The following SMAD9 variants were observed in gnomAD, a reference collection of about 807,000 sequenced individuals.
The protein encoded by SMAD9 is SMAD family member 9.
A neutral mutation model predicts 46.1 loss-of-function variants in SMAD9; 36 were observed. The observed-to-expected ratio is 0.78, with a 90% CI of 0.60 to 1.03. The LOEUF (loss-of-function observed/expected upper bound fraction) is 1.03, where lower values mean the gene tolerates loss of function less well. SMAD9 is among the 50% of genes least tolerant of loss of function. The pLI, the probability that SMAD9 is intolerant of heterozygous loss-of-function variation, is 0.00. For missense variants in SMAD9, 572 were observed against 599.8 expected (o/e 0.95, Z 0.48); for synonymous variants, 245 against 237.1 (o/e 1.03, Z -0.31).
rs774335034 is a variant in SMAD9 at position 36,848,759 on chromosome 13, G to A, written c.1321C>T (p.His441Tyr). Residue 441 changes from histidine (H) to tyrosine (Y), a missense_variant, in exon 7 of 7, where the codon CAT (histidine) becomes TAT (tyrosine). Physicochemically the swap from His to Tyr is moderately conservative, Grantham distance 83 (BLOSUM62 2). Coordinates refer to ENST00000379826, the MANE Select transcript of SMAD9 (RefSeq NM_001127217.3). ...AGCCACTGCAGTGGCCCATGAAGAT[G>A]AATCTCAATCCAGCAGGGGGTGCTG... ...VTSTPCWIEIHLHGPLQWLDK... is the reference protein window; with the variant it reads ...VTSTPCWIEIYLHGPLQWLDK... The A allele has an allele frequency of 6.2e-6, 10 of 1,613,924 alleles. No individual in the cohort carries two copies. The highest frequency in any genetic ancestry group is 3.3e-5 in the Admixed American group (2 of 60,014).
Position 36,872,732 on chromosome 13 carries a change from T to C in SMAD9, c.596A>G (p.Gln199Arg), listed in dbSNP as rs1329406675. The C allele has an allele frequency of 1.9e-6, 3 of 1,613,810 alleles. No individual in the cohort carries two copies. The highest frequency in any genetic ancestry group is 1.7e-5 in the Admixed American group (1 of 59,976). Residue 199 changes from glutamine to arginine, a missense_variant, in exon 3 of 7, where the codon CAG becomes CGG. Physicochemically the swap from Gln to Arg is conservative, Grantham distance 43 (BLOSUM62 1). Transcript: ENST00000379826. The stretch of plus-strand genomic sequence containing the variant: ...AGGGTAGCTGGCCGTGCACGGGGAC[T>C]GGGAGAACGCGTGGCTGGGTGAGGG... Reference protein sequence around the residue: ...LPPSPSHAFSQSPCTASYPHS... With the variant: ...LPPSPSHAFSRSPCTASYPHS...
At chr13:36,856,378 T>G (rs2058125011) in intron 5 of SMAD9, among the ~76,000 whole-genome samples, 1 of 152,228 alleles carries the variant, frequency 6.6e-6, no homozygotes, top group Non-Finnish European at 1.5e-5. Flanking sequence ...GGGTTGGTTT[T>G]CAATCCTGTT....
At chr13:36,906,425 A>G (rs1450177180) in intron 1 of SMAD9, among the ~76,000 whole-genome samples, 1 of 152,196 alleles carries the variant, frequency 6.6e-6, no homozygotes, top group East Asian at 1.9e-4. Flanking sequence ...ACTAAAAACC[A>G]TATTCTATGC....
intron 1 of SMAD9, among the ~76,000 whole-genome samples, chr13:36,905,953 G>A (rs1034894313): frequency 2.4e-4 from 37 of 152,000 alleles, no homozygotes; most frequent in African/African-American, 8.0e-4. Context: ...TTACAAGTAT[G>A]AGCCACTGCG....
At position 36,857,440 on chromosome 13, in the gene SMAD9, GTCTT is replaced by G. The variant is rs147608039; in HGVS notation, c.1004-3769_1004-3766del. Among the ~76,000 whole-genome samples, 489 of 152,198 alleles carry G rather than the reference GTCTT, an allele frequency of 3.2e-3. 1 individual carries two copies. The highest frequency in any genetic ancestry group is 0.011 in the African/African-American group (439 of 41,512). On this transcript the variant is annotated intron_variant, in intron 5 of 6. Coordinates refer to ENST00000379826, the MANE Select transcript of SMAD9 (RefSeq NM_001127217.3). The stretch of plus-strand genomic sequence containing the variant: ...TGGGCTCTGTATCTGCTTGGGCTGT[GTCTT>G]TCTTTATCTGAACTTTCCATTTGTG...
Position 36,848,602 on chromosome 13 carries a change from G to A in SMAD9, c.*74C>T. 1 of 1,393,916 alleles carries A rather than the reference G, an allele frequency of 7.2e-7. No individual in the cohort carries two copies. The highest frequency in any genetic ancestry group is 1.0e-6 in the Non-Finnish European group (1 of 979,782). The allele number at this position is 1,393,916 out of a possible 1,614,324, so 86.3% of individuals were successfully genotyped here. On this transcript the variant is annotated 3_prime_UTR_variant, in exon 7 of 7. Transcript: ENST00000379826. ...ACACATGTTTTTAGAAACTTCAGTT[G>A]CAAATCTGAAATGATACAAGCCACT...
chr13:36,883,164 C>A (rs556491451), intron 1 of SMAD9, among the ~76,000 whole-genome samples: 52 of 152,218 alleles, frequency 3.4e-4, no homozygotes, highest in Middle Eastern at 3.4e-3. Flanking sequence ...TGTCAGAGAA[C>A]TGAAATGCCC....
At chr13:36,880,963 C>G (rs1245613147) in intron 1 of SMAD9, among the ~76,000 whole-genome samples, 1 of 151,744 alleles carries the variant, frequency 6.6e-6, no homozygotes, top group African/African-American at 2.4e-5. Context: ...CTTTGGAGTT[C>G]TCAATAATTT....
chr13:36,845,810 G>T lies in SMAD9; in HGVS notation c.*2866C>A, dbSNP rs1011533376. 6.6e-6 allele frequency: 1 copy of T among 152,138 alleles called. No individual in the cohort carries two copies. Among genetic ancestry groups the T allele is most frequent in the African/African-American group, 2.4e-5 (1 of 41,428 alleles). The allele number at this position is 152,138 out of a possible 1,614,324, so 9.4% of individuals were successfully genotyped here. The stretch of plus-strand genomic sequence containing the variant: ...TCATTAATTCTAAATTCTTCAAAAT[G>T]TACAAGCATCATAATAAAGGCTTTT... On this transcript the variant is annotated 3_prime_UTR_variant, in exon 7 of 7. Coordinates refer to ENST00000379826, the MANE Select transcript of SMAD9 (RefSeq NM_001127217.3).
At chr13:36,917,143 G>T in intron 1 of SMAD9, among the ~76,000 whole-genome samples, 1 of 152,202 alleles carries the variant, frequency 6.6e-6, no homozygotes, top group Middle Eastern at 3.4e-3. Flanking sequence ...CAAGCAAGAA[G>T]AACATCCAGT....
chr13:36,917,316 G>T (rs561922676), intron 1 of SMAD9, among the ~76,000 whole-genome samples: 11 of 151,992 alleles, frequency 7.2e-5, no homozygotes, highest in African/African-American at 2.7e-4. Context: ...TCCTTACTTA[G>T]GACATGGACA....
At chr13:36,855,403 G>GAA (rs1655506192) in intron 5 of SMAD9, among the ~76,000 whole-genome samples, 1 of 151,804 alleles carries the variant, frequency 6.6e-6, no homozygotes, top group Admixed American at 6.6e-5. Context: ...ACTGATGTTA[G>GAA]AAAAAAATGA....
Position 36,882,244 on chromosome 13 carries a change from T to A in SMAD9, c.-186-2369A>T, listed in dbSNP as rs552568629. On this transcript the variant is annotated intron_variant, in intron 1 of 6. Coordinates refer to ENST00000379826, the MANE Select transcript of SMAD9 (RefSeq NM_001127217.3). ...GGTATGTGCTGTGTGTGTGTGTGTGTGTGTGTGTGTGTGTGTATGTGTGTG... is the reference window on the plus strand; with the variant it reads ...GGTATGTGCTGTGTGTGTGTGTGTGAGTGTGTGTGTGTGTGTATGTGTGTG... Among the ~76,000 whole-genome samples the A allele has an allele frequency of 1.6e-4, 23 of 143,688 alleles. No homozygotes were observed. In the South Asian group the frequency reaches 4.6e-3, roughly 29 times the overall value. The allele number at this position is 143,688 out of a possible 152,430, so 94.3% of individuals were successfully genotyped here.
intron 5 of SMAD9, among the ~76,000 whole-genome samples, chr13:36,862,456 CCATGA>C (rs2058191709): frequency 6.8e-6 from 1 of 147,474 alleles, no homozygotes; most frequent in Admixed American, 6.9e-5. Flanking sequence ...CCCACTAGCA[CCATGA>C]CAGTTTACAG....
At position 36,865,726 on chromosome 13, in the gene SMAD9, G is replaced by C. The variant is rs1378755574; in HGVS notation, c.814C>G (p.His272Asp). 3 of 1,614,150 alleles carry C rather than the reference G, an allele frequency of 1.9e-6. No homozygotes were observed. The highest frequency in any genetic ancestry group is 2.5e-6 in the Non-Finnish European group (3 of 1,179,994). ...FRPVCYEEPQ[H>D]WCSVAYYELN... is the part of the protein sequence containing the mutation. Reference sequence around the variant, plus strand: ...TCATAGTAGGCGACCGAGCACCAGTGCTGGGGCTCCTCGTAACAAACTGGT... The same window carrying C: ...TCATAGTAGGCGACCGAGCACCAGTCCTGGGGCTCCTCGTAACAAACTGGT... The change falls in exon 5 of 7, where the codon CAC becomes GAC. Residue 272 changes from histidine to aspartate, a missense_variant. By Grantham distance (81) the His-to-Asp change is moderately conservative. Transcript: ENST00000379826.
chr13:36,903,024 G>A (rs1483330813), intron 1 of SMAD9, among the ~76,000 whole-genome samples: 1 of 152,146 alleles, frequency 6.6e-6, no homozygotes, highest in Non-Finnish European at 1.5e-5. Flanking sequence ...AAATACCATG[G>A]CTAAGTAATT....
At chr13:36,870,231 C>A (rs17216838) in intron 3 of SMAD9, among the ~76,000 whole-genome samples, 3 of 152,154 alleles carry the variant, frequency 2.0e-5, no homozygotes, top group Non-Finnish European at 2.9e-5. Flanking sequence ...AAAGTCAGCA[C>A]AGGAAGTCTT....
chr13:36,897,238 C>T (rs1390143992), intron 1 of SMAD9, among the ~76,000 whole-genome samples: 2 of 152,194 alleles, frequency 1.3e-5, no homozygotes, highest in African/African-American at 4.8e-5. Flanking sequence ...CCCTTATGCA[C>T]TCTTTGATGT....
intron 2 of SMAD9, 69 bp downstream of exon 2, chr13:36,879,209 C>G (rs1012889526): frequency 1.8e-5 from 24 of 1,302,284 alleles, no homozygotes; most frequent in African/African-American, 5.8e-5. Flanking sequence ...GGTGCCCCAT[C>G]ATTCTCCATC....
Sources: gnomAD v4.1 joint callset for allele counts (sites outside exome capture counted in the v4.1 genomes callset) on GRCh38, gnomAD v4.1.1 for gene constraint, MANE v1.5 for transcripts, NCBI Gene and HGNC (gene_info 2026-07-23, HGNC 2026-07-21) for gene names.